CNTNAP2: variants seen among roughly 807,000 people sequenced by gnomAD.
CNTNAP2 encodes the protein contactin-associated protein-like 2.
CNTNAP2 carries 98 observed loss-of-function variants against 155.2 expected under a neutral mutation model. The observed-to-expected ratio is 0.63, with a 90% CI of 0.54 to 0.75. The LOEUF (loss-of-function observed/expected upper bound fraction) is 0.75, where lower values mean the gene tolerates loss of function less well. Among genes scored for constraint, CNTNAP2 ranks in the 30% least tolerant of loss-of-function variants. The pLI, the probability that CNTNAP2 is intolerant of heterozygous loss-of-function variation, is 0.00. For missense variants in CNTNAP2, 1,727 were observed against 1,688.1 expected (o/e 1.02, Z -0.40); for synonymous variants, 651 against 631.2 (o/e 1.03, Z -0.47).
intron 15 of CNTNAP2, among the ~76,000 whole-genome samples, chr7:148,100,390 T>C (rs73472230): frequency 0.1 from 15,245 of 152,164 alleles, 2,053 homozygotes; most frequent in African/African-American, 0.31. Flanking sequence ...TTATTCTGAG[T>C]TTAAGCAAAT....
At chr7:147,866,859 G>T (rs944960261) in intron 13 of CNTNAP2, among the ~76,000 whole-genome samples, 1 of 151,914 alleles carries the variant, frequency 6.6e-6, no homozygotes, top group Non-Finnish European at 1.5e-5. Context: ...TGTGAGATGG[G>T]TCTCCTGAAT....
At chr7:146,157,414 C>A (rs1798143608) in intron 1 of CNTNAP2, among the ~76,000 whole-genome samples, 1 of 152,082 alleles carries the variant, frequency 6.6e-6, no homozygotes. Context: ...ACGGTAGGTG[C>A]AGCCCACAGA....
At position 146,661,399 on chromosome 7, in the gene CNTNAP2, C is replaced by T. The variant is rs189404690; in HGVS notation, c.98-112872C>T. Among the ~76,000 whole-genome samples, 22 of 152,076 alleles carry T rather than the reference C, an allele frequency of 1.4e-4. No individual in the cohort carries two copies. In the East Asian group the frequency reaches 4.3e-3, roughly 30 times the overall value. ...GTATGCAGTCATGTAACCACTGCCC[C>T]CAAAAGGACCCCCATGCTCCGATGT... On this transcript the variant is annotated intron_variant, in intron 1 of 23. Coordinates refer to ENST00000361727, the MANE Select transcript of CNTNAP2 (RefSeq NM_014141.6).
chr7:146,666,774 T>G (rs946865220), intron 1 of CNTNAP2, among the ~76,000 whole-genome samples: 5 of 152,146 alleles, frequency 3.3e-5, no homozygotes, highest in African/African-American at 1.2e-4. Flanking sequence ...TTTCATTTGT[T>G]GCATATACAT....
At chr7:146,131,849 G>A (rs1178948111) in intron 1 of CNTNAP2, among the ~76,000 whole-genome samples, 1 of 152,126 alleles carries the variant, frequency 6.6e-6, no homozygotes, top group Non-Finnish European at 1.5e-5. Context: ...TTTCCCCCAT[G>A]CTGTTCTCGT....
intron 8 of CNTNAP2, among the ~76,000 whole-genome samples, chr7:147,259,561 G>A (rs1347045258): frequency 6.6e-6 from 1 of 152,152 alleles, no homozygotes; most frequent in Non-Finnish European, 1.5e-5. Flanking sequence ...TTTACACAGG[G>A]TGAAATTCAA....
At chr7:148,310,024 T>C (rs1797565631) in intron 21 of CNTNAP2, among the ~76,000 whole-genome samples, 1 of 151,982 alleles carries the variant, frequency 6.6e-6, no homozygotes, top group African/African-American at 2.4e-5. Context: ...AGGGGTGATA[T>C]TGTGGGGTTG....
intron 23 of CNTNAP2, among the ~76,000 whole-genome samples, chr7:148,410,100 T>G (rs1007327690): frequency 1.3e-5 from 2 of 150,346 alleles, no homozygotes; most frequent in Admixed American, 1.3e-4. Flanking sequence ...AAATGTAACC[T>G]GGCTACTTTT....
At chr7:147,653,624 G>A (rs1478556529) in intron 13 of CNTNAP2, among the ~76,000 whole-genome samples, 1 of 152,188 alleles carries the variant, frequency 6.6e-6, no homozygotes, top group Non-Finnish European at 1.5e-5. Context: ...GAACCACGCT[G>A]AGGAGCAGAA....
chr7:146,340,699 G>A (rs372802996), intron 1 of CNTNAP2, among the ~76,000 whole-genome samples: 20 of 151,912 alleles, frequency 1.3e-4, no homozygotes, highest in African/African-American at 4.8e-4. Flanking sequence ...AAGTAGAATC[G>A]GATCTACTAA....
intron 21 of CNTNAP2, among the ~76,000 whole-genome samples, chr7:148,329,688 A>C (rs2116553540): frequency 6.6e-6 from 1 of 152,332 alleles, no homozygotes; most frequent in African/African-American, 2.4e-5. Context: ...CAAGGGTCAA[A>C]AATATCAACA....
At chr7:147,183,245 T>A (rs936211270) in intron 8 of CNTNAP2, among the ~76,000 whole-genome samples, 2 of 152,186 alleles carry the variant, frequency 1.3e-5, no homozygotes, top group Admixed American at 1.3e-4. Context: ...CAAAATTGTA[T>A]CTCAGATACT....
At chr7:148,190,425 T>C (rs1196890169) in intron 18 of CNTNAP2, 1 of 152,238 alleles carries the variant, frequency 6.6e-6, no homozygotes, top group African/African-American at 2.4e-5. Context: ...CAATAAGGAC[T>C]GGAACAGAGA....
intron 15 of CNTNAP2, among the ~76,000 whole-genome samples, chr7:148,016,853 C>A (rs1360150507): frequency 6.6e-6 from 1 of 152,156 alleles, no homozygotes; most frequent in African/African-American, 2.4e-5. Flanking sequence ...TCTGGAATAG[C>A]ATTCCTTCCC....
At chr7:147,576,119 T>C (rs1218479416) in intron 12 of CNTNAP2, among the ~76,000 whole-genome samples, 2 of 147,542 alleles carry the variant, frequency 1.4e-5, no homozygotes, top group African/African-American at 5.0e-5. Flanking sequence ...AATTTTTTTC[T>C]TCTCTCTATG....
intron 1 of CNTNAP2, among the ~76,000 whole-genome samples, chr7:146,533,264 G>A (rs1172041767): frequency 2.6e-5 from 4 of 152,152 alleles, no homozygotes; most frequent in Admixed American, 2.0e-4. Context: ...TATGCAAGTG[G>A]GAAATTTGAA....
chr7:148,394,627 A>G lies in CNTNAP2; in HGVS notation c.3715+10739A>G, dbSNP rs1799426548. On this transcript the variant is annotated intron_variant, in intron 22 of 23. Transcript: ENST00000361727. ...CAGTTACACCATGCGTGTCTTCTCC[A>G]TCTCTCTCCAAGTTGCGAAATGATT... 2.6e-5 allele frequency among the ~76,000 whole-genome samples: 4 copies of G among 152,220 alleles called. No individual in the cohort carries two copies. The South Asian group carries it at 8.3e-4, about 32-fold the overall frequency.
intron 15 of CNTNAP2, among the ~76,000 whole-genome samples, chr7:148,028,142 G>T (rs1372372812): frequency 6.6e-6 from 1 of 152,122 alleles, no homozygotes. Context: ...AAATGTAATT[G>T]TACAGACGAA....
chr7:147,147,190 C>T (rs940347321), intron 8 of CNTNAP2, among the ~76,000 whole-genome samples: 1 of 152,090 alleles, frequency 6.6e-6, no homozygotes, highest in Non-Finnish European at 1.5e-5. Context: ...CCTTATAAAA[C>T]CATCATATCT....
Sources: gnomAD v4.1 joint callset for allele counts (sites outside exome capture counted in the v4.1 genomes callset) on GRCh38, gnomAD v4.1.1 for gene constraint, MANE v1.5 for transcripts, NCBI Gene and HGNC (gene_info 2026-07-23, HGNC 2026-07-21) for gene names.